Variants in ARHGEF10 observed in about 807,000 individuals in gnomAD.
The protein encoded by ARHGEF10 is Rho guanine nucleotide exchange factor (GEF) 10.
A neutral mutation model predicts 147.4 loss-of-function variants in ARHGEF10; 140 were observed. The ratio of observed to expected loss-of-function variants is 0.95; its 90% CI spans 0.83 to 1.09. The LOEUF is 1.09. Among genes scored for constraint, ARHGEF10 ranks in the 50% least tolerant of loss-of-function variants. The pLI is 0.00. For synonymous variants in ARHGEF10, 902 were observed against 695.8 expected (o/e 1.30, Z -4.67); for missense variants, 2,222 against 1,752.7 (o/e 1.27, Z -4.78).
intron 17 of ARHGEF10, among the ~76,000 whole-genome samples, chr8:1,908,525 C>T (rs1249588869): frequency 2.0e-5 from 3 of 152,118 alleles, no homozygotes; most frequent in Non-Finnish European, 2.9e-5. Context: ...AGCCACCGCG[C>T]CCGGCCCACA....
rs1808951425 is a variant in ARHGEF10, at chr8:1,888,286, AGG to A, written c.1182+2582_1182+2583del. Among the ~76,000 whole-genome samples the A allele has an allele frequency of 3.6e-5, 2 of 54,828 alleles. 1 individual carries two copies. Among genetic ancestry groups the A allele is most frequent in the African/African-American group, 1.5e-4 (2 of 13,276 alleles). 36.0% of individuals were successfully genotyped at this position (54,828 alleles called of 152,430 possible). ...CTGAGTGGGGCTGTAGGTTCTGAGG[AGG>A]GGTGGGGTGAGGGTTTGTGAGGATA... On this transcript the variant is annotated intron_variant, in intron 11 of 28. Coordinates refer to ENST00000349830, the MANE Select transcript of ARHGEF10 (RefSeq NM_014629.4).
chr8:1,941,973 G>A (rs1057171225), intron 26 of ARHGEF10, among the ~76,000 whole-genome samples: 1 of 152,006 alleles, frequency 6.6e-6, no homozygotes, highest in African/African-American at 2.4e-5. Flanking sequence ...TATCTCAAAT[G>A]AATTAAAACA....
chr8:1,912,227 C>T (rs937830076), intron 18 of ARHGEF10, among the ~76,000 whole-genome samples: 2 of 151,962 alleles, frequency 1.3e-5, no homozygotes, highest in African/African-American at 4.8e-5. Context: ...CTCGCTGTCC[C>T]CGCAGAAGCG....
intron 10 of ARHGEF10, among the ~76,000 whole-genome samples, chr8:1,883,070 A>G (rs1808355241): frequency 6.6e-6 from 1 of 152,154 alleles, no homozygotes; most frequent in African/African-American, 2.4e-5. Flanking sequence ...TTTATAGCAC[A>G]TTGGCCCTCC....
intron 7 of ARHGEF10, among the ~76,000 whole-genome samples, chr8:1,871,758 G>A (rs6990863): frequency 0.26 from 39,235 of 151,898 alleles, 5,275 homozygotes; most frequent in East Asian, 0.4. Context: ...TGGAGGTTGC[G>A]GTGAGCCGAG....
At chr8:1,923,375 A>G (rs1812444214) in intron 19 of ARHGEF10, 93 bp from the exon 20 acceptor site, 1 of 1,563,374 alleles carries the variant, frequency 6.4e-7, no homozygotes, top group African/African-American at 1.4e-5. Flanking sequence ...TTTGGTCTGA[A>G]TTTCTCATAT....
intron 2 of ARHGEF10, among the ~76,000 whole-genome samples, chr8:1,853,234 G>C (rs1024486947): frequency 2.6e-5 from 4 of 152,178 alleles, no homozygotes; most frequent in African/African-American, 9.7e-5. Context: ...CCTCTCCCTA[G>C]GTGCAGCCCT....
Position 1,873,900 on chromosome 8 carries a change from C to T in ARHGEF10, c.680-2671C>T, listed in dbSNP as rs374117584. Among the ~76,000 whole-genome samples, 5 of 151,830 alleles carry T rather than the reference C, an allele frequency of 3.3e-5. No individual in the cohort carries two copies. The East Asian group carries it at 9.7e-4, about 29-fold the overall frequency. On this transcript the variant is annotated intron_variant, in intron 7 of 28. Coordinates refer to ENST00000349830, the MANE Select transcript of ARHGEF10 (RefSeq NM_014629.4). The stretch of plus-strand genomic sequence containing the variant: ...ATTGTGTCAGGTATACGTAAATATT[C>T]CTTTCGGTCAGTTCAGCACGTAGGA...
intron 6 of ARHGEF10, among the ~76,000 whole-genome samples, chr8:1,867,552 C>T (rs1426510190): frequency 1.3e-5 from 2 of 152,170 alleles, no homozygotes; most frequent in Non-Finnish European, 2.9e-5. Flanking sequence ...ATTTCCAACA[C>T]GCGGCTCCAG....
intron 11 of ARHGEF10, 129 bp from the exon 12 acceptor site, chr8:1,893,440 G>C: frequency 1.4e-6 from 1 of 690,774 alleles, no homozygotes; most frequent in Non-Finnish European, 2.6e-6. Context: ...TATTTAATTA[G>C]GCTACCCTTG....
intron 17 of ARHGEF10, among the ~76,000 whole-genome samples, chr8:1,907,753 C>T (rs147814850): frequency 1.3e-3 from 192 of 152,258 alleles, no homozygotes; most frequent in Non-Finnish European, 2.4e-3. Flanking sequence ...TCTTTTTTTG[C>T]GAAGTGCAGT....
intron 4 of ARHGEF10, among the ~76,000 whole-genome samples, chr8:1,862,501 G>A (rs1247057628): frequency 1.3e-5 from 2 of 152,256 alleles, no homozygotes; most frequent in African/African-American, 2.4e-5. Context: ...CCTGGCCAGC[G>A]TGTCTGCCTC....
At chr8:1,832,906 AGACAGACAGAGG>A (rs1477069853) in intron 1 of ARHGEF10, among the ~76,000 whole-genome samples, 2 of 112,564 alleles carry the variant, frequency 1.8e-5, no homozygotes, top group East Asian at 5.0e-4. Flanking sequence ...AGAGACAGAG[AGACAGACAGAGG>A]CAGAGACAGA....
In ARHGEF10 at chr8:1,948,745, T is replaced by A. The variant is rs545461600; in HGVS notation, c.3397+3090T>A. Among the ~76,000 whole-genome samples, 1 of 152,240 alleles carries A rather than the reference T, an allele frequency of 6.6e-6. No individual in the cohort carries two copies. The highest frequency in any genetic ancestry group is 2.1e-4 in the South Asian group (1 of 4,828). ...TCATCTCATCTCCTCTGTCTAGTCG[T>A]CTTTGCCTTTCAGCTAATATTTCAT... is the stretch of plus-strand genomic sequence containing the variant. On this transcript the variant is annotated intron_variant, in intron 27 of 28. Transcript: ENST00000349830. The surrounding 1 kb of genome is among the most constrained non-coding windows in gnomAD (Gnocchi z 4.9).
chr8:1,855,208 A>C (rs1163184031), intron 2 of ARHGEF10, among the ~76,000 whole-genome samples: 9 of 152,200 alleles, frequency 5.9e-5, no homozygotes. Flanking sequence ...AAAAAACAAT[A>C]TTTATAGACT....
chr8:1,893,533 C>T, intron 11 of ARHGEF10, 36 bp from the exon 12 acceptor site: 1 of 1,353,106 alleles, frequency 7.4e-7, no homozygotes. Flanking sequence ...TATTATAAAG[C>T]AGTTTTCTAT....
chr8:1,863,299 A>C (rs1806305584), intron 4 of ARHGEF10, among the ~76,000 whole-genome samples: 1 of 152,154 alleles, frequency 6.6e-6, no homozygotes, highest in South Asian at 2.1e-4. Flanking sequence ...GTCTGTTGCT[A>C]GTCAGCATCC....
At chr8:1,872,704 T>C (rs540343528) in intron 7 of ARHGEF10, among the ~76,000 whole-genome samples, 9 of 152,302 alleles carry the variant, frequency 5.9e-5, no homozygotes, top group Admixed American at 4.6e-4. Context: ...AGAAGGAAAC[T>C]CACTTAGCTG....
chr8:1,906,361 G>C (rs1481707092), intron 17 of ARHGEF10, among the ~76,000 whole-genome samples: 3 of 152,290 alleles, frequency 2.0e-5, no homozygotes, highest in East Asian at 3.9e-4. Flanking sequence ...ATCTTCCAGA[G>C]TTTTGAGATC....
Sources: gnomAD v4.1 joint callset for allele counts (sites outside exome capture counted in the v4.1 genomes callset) on GRCh38, gnomAD v4.1.1 for gene constraint, Gnocchi (gnomAD v3.1) non-coding constraint, MANE v1.5 for transcripts, NCBI Gene and HGNC (gene_info 2026-07-23, HGNC 2026-07-21) for gene names.